FRY: variants seen among roughly 807,000 people sequenced by gnomAD.
The protein encoded by FRY is protein furry homolog.
A neutral mutation model predicts 348.4 loss-of-function variants in FRY; 128 were observed. The observed-to-expected ratio is 0.37, with a 90% CI of 0.32 to 0.43. The LOEUF is 0.43. Ranked by LOEUF, FRY falls within the 20% of genes least tolerant of loss-of-function variation. FRY has a pLI of 1.00. For synonymous variants in FRY, 1,370 were observed against 1,374.7 expected (o/e 1.00, Z 0.08); for missense variants, 2,736 against 3,695.2 (o/e 0.74, Z 6.73).
At chr13:32,109,937 T>A (rs1488057897) in intron 3 of FRY, among the ~76,000 whole-genome samples, 1 of 151,900 alleles carries the variant, frequency 6.6e-6, no homozygotes, top group East Asian at 1.9e-4. Flanking sequence ...GTTTGGAAAG[T>A]GGGAGAAGTC....
At chr13:32,176,794 A>G (rs1189797132) in intron 20 of FRY, among the ~76,000 whole-genome samples, 5 of 152,248 alleles carry the variant, frequency 3.3e-5, no homozygotes, top group Admixed American at 2.6e-4. Context: ...GGGAGAGAGT[A>G]ATGGGAGAAG....
At chr13:32,288,217 A>G (rs1215878325) in intron 58 of FRY, among the ~76,000 whole-genome samples, 1 of 152,124 alleles carries the variant, frequency 6.6e-6, no homozygotes, top group African/African-American at 2.4e-5. Flanking sequence ...ATACTTTTTT[A>G]TTTATTTGCA....
At chr13:32,212,905 AG>A (rs1384605015) in intron 35 of FRY, among the ~76,000 whole-genome samples, 2 of 152,156 alleles carry the variant, frequency 1.3e-5, no homozygotes, top group Non-Finnish European at 2.9e-5. Flanking sequence ...CCTATATCTC[AG>A]CCTTCTTATT....
In FRY at chr13:32,249,605, C is replaced by A. The variant is rs746560951; in HGVS notation, c.7088C>A (p.Thr2363Asn). The A allele has an allele frequency of 6.2e-7, 1 of 1,614,204 alleles. No individual in the cohort carries two copies. Among genetic ancestry groups the A allele is most frequent in the Non-Finnish European group, 8.5e-7 (1 of 1,180,024 alleles). The change falls in exon 49 of 61, where the codon ACC (threonine) becomes AAC (asparagine). Residue 2363 changes from threonine (T) to asparagine (N), a missense_variant. Coordinates refer to ENST00000542859, the MANE Select transcript of FRY (RefSeq NM_023037.3). Reference sequence around the variant, plus strand: ...GGGAAGCCCAGGGCCATGGCCGTCACCCGGAGCACATCTTCCACTTCCTCA... The same window carrying A: ...GGGAAGCCCAGGGCCATGGCCGTCAACCGGAGCACATCTTCCACTTCCTCA... ...RDGKPRAMAVTRSTSSTSSGS... is the reference protein window; with the variant it reads ...RDGKPRAMAVNRSTSSTSSGS...
intron 11 of FRY, among the ~76,000 whole-genome samples, 198 bp from the exon 12 acceptor site, chr13:32,147,084 T>G (rs1880505046): frequency 6.6e-6 from 1 of 152,204 alleles, no homozygotes; most frequent in Non-Finnish European, 1.5e-5. Flanking sequence ...ACCGTTTATA[T>G]GCCTCCTCAT....
chr13:32,105,517 G>A (rs1425013279), intron 3 of FRY, among the ~76,000 whole-genome samples: 1 of 152,186 alleles, frequency 6.6e-6, no homozygotes, highest in Non-Finnish European at 1.5e-5. Flanking sequence ...CATGAATATA[G>A]CAAGGTCTCT....
At chr13:32,129,279 G>T (rs994092500) in intron 7 of FRY, among the ~76,000 whole-genome samples, 1 of 152,112 alleles carries the variant, frequency 6.6e-6, no homozygotes, top group African/African-American at 2.4e-5. Context: ...GTCACATTTC[G>T]ATCTCAGAAG....
At chr13:32,135,450 T>C (rs538961117) in intron 10 of FRY, among the ~76,000 whole-genome samples, 15 of 152,304 alleles carry the variant, frequency 9.8e-5, no homozygotes, top group African/African-American at 3.6e-4. Context: ...TTGGCTTAAC[T>C]TGATTTTTAT....
At chr13:32,252,950 C>T (rs1887158982) in intron 50 of FRY, among the ~76,000 whole-genome samples, 1 of 152,006 alleles carries the variant, frequency 6.6e-6, no homozygotes, top group African/African-American at 2.4e-5. Context: ...GACTCCTAGC[C>T]CACAGTGAAG....
chr13:32,230,709 C>T (rs1431192791), intron 40 of FRY, among the ~76,000 whole-genome samples: 2 of 152,092 alleles, frequency 1.3e-5, no homozygotes, highest in Non-Finnish European at 2.9e-5. Flanking sequence ...GTATTTCTGT[C>T]TCTGGATCTT....
At chr13:32,292,348 A>G (rs184148361) in intron 59 of FRY, among the ~76,000 whole-genome samples, 1 of 152,340 alleles carries the variant, frequency 6.6e-6, no homozygotes, top group Admixed American at 6.5e-5. Flanking sequence ...TCAAAATGAC[A>G]ACAAAAGTTT....
chr13:32,054,208 C>CT (rs145256787), intron 1 of FRY, among the ~76,000 whole-genome samples: 15,421 of 148,756 alleles, frequency 0.1, 1,099 homozygotes, highest in East Asian at 0.42. Context: ...TGAACACACC[C>CT]TTTTTTTTTT....
chr13:32,276,594 C>A, intron 57 of FRY, 32 bp downstream of exon 57: 1 of 1,125,248 alleles, frequency 8.9e-7, no homozygotes, highest in South Asian at 1.2e-5. Context: ...CATATGCAGT[C>A]AGTTAAAACC....
intron 17 of FRY, among the ~76,000 whole-genome samples, chr13:32,165,989 C>A (rs1375530470): frequency 6.6e-6 from 1 of 152,194 alleles, no homozygotes. Context: ...GGGCCCAGGA[C>A]CATTGGCAGT....
intron 59 of FRY, among the ~76,000 whole-genome samples, chr13:32,293,379 C>A (rs1168612317): frequency 6.6e-6 from 1 of 152,126 alleles, no homozygotes. Context: ...TAGGTAGTTG[C>A]ATTTAACAGG....
intron 55 of FRY, among the ~76,000 whole-genome samples, chr13:32,272,830 G>T (rs1032120082): frequency 6.6e-6 from 1 of 151,990 alleles, no homozygotes; most frequent in Non-Finnish European, 1.5e-5. Flanking sequence ...CCACCTCCCG[G>T]GTTCAAGCAA....
intron 1 of FRY, chr13:32,060,994 T>C: frequency 2.2e-6 from 1 of 458,784 alleles, no homozygotes; most frequent in East Asian, 6.6e-5. Flanking sequence ...GAGACACTTA[T>C]GGTGGCAGTG....
At chr13:32,067,331 A>G (rs1874323988) in intron 1 of FRY, among the ~76,000 whole-genome samples, 1 of 151,816 alleles carries the variant, frequency 6.6e-6, no homozygotes. Flanking sequence ...TAGGTTAGAC[A>G]CAAGTCAGAC....
intron 55 of FRY, among the ~76,000 whole-genome samples, chr13:32,274,198 C>G (rs73169150): frequency 5.5e-4 from 83 of 151,960 alleles, no homozygotes; most frequent in African/African-American, 2.0e-3. Context: ...CATTCTCATG[C>G]GATATTTTTA....
Sources: allele counts gnomAD v4.1 joint callset (sites outside exome capture counted in the v4.1 genomes callset), GRCh38; gene constraint gnomAD v4.1.1; transcripts MANE v1.5; gene names NCBI Gene and HGNC (gene_info 2026-07-23, HGNC 2026-07-21).